The following WDR33 variants were observed in gnomAD, a reference collection of about 807,000 sequenced individuals.
WDR33 encodes the protein WD repeat domain 33, also known as pre-mRNA 3' end processing protein WDR33.
Under a neutral mutation model 164.9 loss-of-function variants are expected in WDR33, and 47 were observed. That is an observed-to-expected ratio of 0.29 (90% CI 0.23 to 0.36). WDR33 has a LOEUF of 0.36. WDR33 is among the 10% of genes least tolerant of loss of function. The probability of loss-of-function intolerance (pLI) is 1.00; values close to 1 mark genes in which losing one functional copy is unlikely to be tolerated. For synonymous variants in WDR33, 505 were observed against 589.0 expected (o/e 0.86, Z 2.06); for missense variants, 1,137 against 1,754.1 (o/e 0.65, Z 6.28).
chr2:127,733,236 C>A (rs1686754321), intron 7 of WDR33, among the ~76,000 whole-genome samples: 1 of 152,174 alleles, frequency 6.6e-6, no homozygotes, highest in Admixed American at 6.5e-5. Flanking sequence ...CGAACAGCAC[C>A]AAATCTGCTC....
At chr2:127,752,596 CAAAAAAAAA>C (rs34369142) in intron 7 of WDR33, among the ~76,000 whole-genome samples, 1 of 76,596 alleles carries the variant, frequency 1.3e-5, no homozygotes, top group Non-Finnish European at 2.6e-5. Flanking sequence ...GACTCCGTCT[CAAAAAAAAA>C]AAAAAAAAAA....
intron 1 of WDR33, among the ~76,000 whole-genome samples, chr2:127,778,148 A>T (rs1468278630): frequency 6.6e-6 from 1 of 152,044 alleles, no homozygotes; most frequent in Non-Finnish European, 1.5e-5. Context: ...ATTTTAAAAA[A>T]TTATTGGCTG....
At position 127,712,335 on chromosome 2, in the gene WDR33, G is replaced by A. The variant is rs1686202271; in HGVS notation, c.3308+1248C>T. On this transcript the variant is annotated intron_variant, in intron 18 of 21. Transcript: ENST00000322313. This position sits in a 1 kb window ranked among gnomAD's most constrained non-coding sequence, Gnocchi z 4.0. ...CACTTGAACCTGGAAGGTGGAGGCT[G>A]CAGTGAGCCGAGATCGTGCCACTGC... Among the ~76,000 whole-genome samples, 2 of 151,892 alleles carry A rather than the reference G, an allele frequency of 1.3e-5. No homozygotes were observed. Among genetic ancestry groups the A allele is most frequent in the South Asian group, 4.2e-4 (2 of 4,814 alleles).
At chr2:127,801,363 G>A (rs999024493) in intron 1 of WDR33, among the ~76,000 whole-genome samples, 2 of 151,948 alleles carry the variant, frequency 1.3e-5, no homozygotes, top group Non-Finnish European at 2.9e-5. Flanking sequence ...TGTACTGACT[G>A]TAAAATGGTA....
At chr2:127,762,831 C>T (rs1056768770) in intron 7 of WDR33, 7 of 1,333,706 alleles carry the variant, frequency 5.2e-6, no homozygotes, top group African/African-American at 3.0e-5. Flanking sequence ...GGGGGAGGCA[C>T]TCTTGTATTT....
In WDR33 at chr2:127,712,929, AT is replaced by A. The variant is rs990413208; in HGVS notation, c.3308+653del. Among the ~76,000 whole-genome samples, 2 of 151,974 alleles carry A rather than the reference AT, an allele frequency of 1.3e-5. No individual in the cohort carries two copies. Among genetic ancestry groups the A allele is most frequent in the African/African-American group, 4.8e-5 (2 of 41,364 alleles). ...ACCACCAAACCCAGCTAATTAAAAA[AT>A]TTTTTTTGTAGAGATGGAGTTACAC... On this transcript the variant is annotated intron_variant, in intron 18 of 21. Coordinates refer to ENST00000322313, the MANE Select transcript of WDR33 (RefSeq NM_018383.5). This position sits in a 1 kb window ranked among gnomAD's most constrained non-coding sequence, Gnocchi z 4.0.
At chr2:127,740,511 C>A (rs904124401) in intron 7 of WDR33, among the ~76,000 whole-genome samples, 1 of 152,208 alleles carries the variant, frequency 6.6e-6, no homozygotes, top group Admixed American at 6.5e-5. Flanking sequence ...CACCACCACA[C>A]TTCCAGCCTG....
chr2:127,768,872 AG>A lies in WDR33; in HGVS notation c.273+60del. 3 of 1,304,870 alleles carry A rather than the reference AG, an allele frequency of 2.3e-6. No individual in the cohort carries two copies. In the South Asian group the frequency reaches 3.7e-5, roughly 16 times the overall value. 80.8% of individuals were successfully genotyped at this position (1,304,870 alleles called of 1,614,324 possible). On this transcript the variant is annotated intron_variant, in intron 3 of 21. Coordinates refer to ENST00000322313, the MANE Select transcript of WDR33 (RefSeq NM_018383.5). ...TTTTGGACTTGAAGTCACACAGTGA[AG>A]GCTAAAATATTCAAGCAAGGAAGTG...
chr2:127,706,319 G>C lies in WDR33; in HGVS notation c.*4C>G, dbSNP rs1406756057. The stretch of plus-strand genomic sequence containing the variant: ...AGAGGCCTCAGGGTACTCAGTTCCA[G>C]CTTCTACCGACCCCTTCCACCACCC... On this transcript the variant is annotated 3_prime_UTR_variant, in exon 22 of 22. Coordinates refer to ENST00000322313, the MANE Select transcript of WDR33 (RefSeq NM_018383.5). The surrounding 1 kb of genome is among the most constrained non-coding windows in gnomAD (Gnocchi z 5.1). The C allele has an allele frequency of 1.3e-6, 2 of 1,550,698 alleles. No homozygotes were observed. The highest frequency in any genetic ancestry group is 4.5e-5 in the East Asian group (2 of 44,146).
Position 127,712,499 on chromosome 2 carries a change from A to G in WDR33, c.3308+1084T>C, listed in dbSNP as rs1573878591. ...GAAGTGCTGAACAGCATGGGCCTGA[A>G]GCCCAGCTCTGACACCTACCACCTG... On this transcript the variant is annotated intron_variant, in intron 18 of 21. Coordinates refer to ENST00000322313, the MANE Select transcript of WDR33 (RefSeq NM_018383.5). The surrounding 1 kb of genome is among the most constrained non-coding windows in gnomAD (Gnocchi z 4.0). Among the ~76,000 whole-genome samples the G allele has an allele frequency of 6.6e-6, 1 of 152,340 alleles. No individual in the cohort carries two copies. Among genetic ancestry groups the G allele is most frequent in the South Asian group, 2.1e-4 (1 of 4,828 alleles).
chr2:127,810,141 C>T (rs909750644), intron 1 of WDR33, among the ~76,000 whole-genome samples: 2 of 152,154 alleles, frequency 1.3e-5, no homozygotes, highest in African/African-American at 4.8e-5. Flanking sequence ...CTACGCTCCC[C>T]AGAGTTGTTC....
chr2:127,768,092 C>T (rs1235624160), intron 4 of WDR33, 97 bp downstream of exon 4: 5 of 733,524 alleles, frequency 6.8e-6, no homozygotes, highest in African/African-American at 5.5e-5. Context: ...CCCAGATATA[C>T]TTTTAAAATA....
At position 127,713,518 on chromosome 2, in the gene WDR33, T is replaced by C. The variant is rs1686227494; in HGVS notation, c.3308+65A>G. On this transcript the variant is annotated intron_variant, in intron 18 of 21. Transcript: ENST00000322313. This position sits in a 1 kb window ranked among gnomAD's most constrained non-coding sequence, Gnocchi z 6.2. Reference sequence around the variant, plus strand: ...CTCAAGAAAAAGAAGAAAGAGACCTTTGTGGAGACAGCAGATAAAAAGCTC... The same window carrying C: ...CTCAAGAAAAAGAAGAAAGAGACCTCTGTGGAGACAGCAGATAAAAAGCTC... 1 of 1,547,290 alleles carries C rather than the reference T, an allele frequency of 6.5e-7. No homozygotes were observed. The highest frequency in any genetic ancestry group is 8.8e-7 in the Non-Finnish European group (1 of 1,133,578).
At chr2:127,752,584 G>A (rs956083384) in intron 7 of WDR33, among the ~76,000 whole-genome samples, 7 of 128,820 alleles carry the variant, frequency 5.4e-5, no homozygotes, top group South Asian at 2.5e-4. Flanking sequence ...GCGACAGAGC[G>A]AGACTCCGTC....
In WDR33 at chr2:127,764,505, A is replaced by T. The variant is rs1442651813; in HGVS notation, c.626+323T>A. On this transcript the variant is annotated intron_variant, in intron 6 of 21. Transcript: ENST00000322313. The surrounding 1 kb of genome is among the most constrained non-coding windows in gnomAD (Gnocchi z 6.2). ...CTGAATTCTTTATTTGGAATGAAAT[A>T]TTCTTGTCTTACACAGTAGATAATA... The T allele has an allele frequency of 1.3e-6, 2 of 1,497,542 alleles. No individual in the cohort carries two copies. The highest frequency in any genetic ancestry group is 2.7e-5 in the South Asian group (2 of 73,754). 92.8% of individuals were successfully genotyped at this position (1,497,542 alleles called of 1,614,324 possible).
At chr2:127,760,870 T>C (rs1201084700) in intron 7 of WDR33, among the ~76,000 whole-genome samples, 1 of 152,174 alleles carries the variant, frequency 6.6e-6, no homozygotes, top group Non-Finnish European at 1.5e-5. Context: ...GTTTGAAATT[T>C]CCATAGTAAA....
chr2:127,751,600 A>C (rs929180794), intron 7 of WDR33, among the ~76,000 whole-genome samples: 2 of 152,020 alleles, frequency 1.3e-5, no homozygotes, highest in Non-Finnish European at 2.9e-5. Context: ...AAAAAGATAC[A>C]AATGGAATAA....
intron 7 of WDR33, among the ~76,000 whole-genome samples, chr2:127,729,070 A>G (rs1330091577): frequency 6.6e-6 from 1 of 152,266 alleles, no homozygotes; most frequent in Admixed American, 6.5e-5. Context: ...ATATCCATAC[A>G]CATCTCAAAT....
rs1686201089 is a variant in WDR33, at chr2:127,712,302, AGGAGAATCACTTGAACCTGGAAGGT to A, written c.3308+1256_3308+1280del. On this transcript the variant is annotated intron_variant, in intron 18 of 21. Transcript: ENST00000322313. This position sits in a 1 kb window ranked among gnomAD's most constrained non-coding sequence, Gnocchi z 4.0. ...TCCCAGCTCCTCAAGAGGCTGAGAC[AGGAGAATCACTTGAACCTGGAAGGT>A]GGAGGCTGCAGTGAGCCGAGATCGT... 1.3e-5 allele frequency among the ~76,000 whole-genome samples: 2 copies of A among 152,194 alleles called. No individual in the cohort carries two copies. The highest frequency in any genetic ancestry group is 4.2e-4 in the South Asian group (2 of 4,806).
Sources: allele counts gnomAD v4.1 joint callset (sites outside exome capture counted in the v4.1 genomes callset), GRCh38; gene constraint gnomAD v4.1.1; non-coding constraint Gnocchi (gnomAD v3.1); transcripts MANE v1.5; gene names NCBI Gene and HGNC (gene_info 2026-07-23, HGNC 2026-07-21).